Variants in CNTN4 observed in about 807,000 individuals in gnomAD.
The protein encoded by CNTN4 is contactin 4.
CNTN4 carries 77 observed loss-of-function variants against 122.5 expected under a neutral mutation model. The observed-to-expected ratio is 0.63, with a 90% CI of 0.52 to 0.76. The LOEUF is 0.76. CNTN4 is among the 30% of genes least tolerant of loss of function. The pLI is 0.00. For missense variants in CNTN4, 1,256 were observed against 1,259.1 expected, an observed-to-expected ratio of 1.00 and a Z score of 0.04; for synonymous variants, 512 against 447.0, an observed-to-expected ratio of 1.15 and a Z score of -1.83.
chr3:2,348,236 T>C (rs1429870223), intron 3 of CNTN4, among the ~76,000 whole-genome samples: 2 of 148,528 alleles, frequency 1.3e-5, no homozygotes, highest in African/African-American at 4.8e-5. Context: ...GATCATATAC[T>C]TAACGCTTGG....
intron 3 of CNTN4, among the ~76,000 whole-genome samples, chr3:2,350,692 G>A (rs184666437): frequency 1.3e-5 from 2 of 152,226 alleles, no homozygotes; most frequent in East Asian, 1.9e-4. Context: ...ATGAAGTAGC[G>A]AGAAATGAAT....
In CNTN4 at chr3:2,448,445, A is replaced by T. The variant is rs138159102; in HGVS notation, c.-89+109212A>T. On this transcript the variant is annotated intron_variant, in intron 3 of 24. Transcript: ENST00000418658. ...GAGTGATAGGGAGTTGTGTGCAGTG[A>T]TTGGGCTTCTCAAATGCAAGTGGTG... Among the ~76,000 whole-genome samples, 925 of 152,312 alleles carry T rather than the reference A, an allele frequency of 6.1e-3. 8 individuals are homozygous for T. The highest frequency in any genetic ancestry group is 0.021 in the African/African-American group (871 of 41,566).
chr3:2,942,559 AG>A (rs1485216932), intron 13 of CNTN4, among the ~76,000 whole-genome samples: 3 of 152,192 alleles, frequency 2.0e-5, no homozygotes, highest in Admixed American at 2.0e-4. Context: ...GTGGTGATGG[AG>A]GACACCTTAG....
chr3:2,772,105 A>G (rs1237441023), intron 6 of CNTN4, among the ~76,000 whole-genome samples: 1 of 152,120 alleles, frequency 6.6e-6, no homozygotes, highest in Non-Finnish European at 1.5e-5. Context: ...TGACATGGTA[A>G]TGAGCTTTAG....
chr3:2,244,882 T>C (rs1196934175), intron 2 of CNTN4, among the ~76,000 whole-genome samples: 1 of 152,036 alleles, frequency 6.6e-6, no homozygotes, highest in Non-Finnish European at 1.5e-5. Context: ...AAAATACTTT[T>C]AGAGCTAGTA....
At chr3:2,507,408 G>C (rs1264480322) in intron 3 of CNTN4, among the ~76,000 whole-genome samples, 1 of 151,896 alleles carries the variant, frequency 6.6e-6, no homozygotes, top group Non-Finnish European at 1.5e-5. Flanking sequence ...TTCTCTTCTT[G>C]GATGTTAAGA....
At chr3:2,285,422 A>T (rs915844640) in intron 2 of CNTN4, among the ~76,000 whole-genome samples, 3 of 152,116 alleles carry the variant, frequency 2.0e-5, no homozygotes, top group African/African-American at 7.2e-5. Context: ...AATTATTGTG[A>T]AAAGGAAACA....
intron 3 of CNTN4, among the ~76,000 whole-genome samples, chr3:2,389,584 C>A (rs1405569695): frequency 6.6e-6 from 1 of 151,928 alleles, no homozygotes; most frequent in Admixed American, 6.6e-5. Flanking sequence ...TTCCTTTTTT[C>A]TTCCTTTTCT....
At chr3:2,886,415 TAAA>T (rs201855836) in intron 9 of CNTN4, among the ~76,000 whole-genome samples, 1 of 130,668 alleles carries the variant, frequency 7.7e-6, no homozygotes, top group African/African-American at 2.8e-5. Flanking sequence ...AAAAATATAT[TAAA>T]AAAAAAAGAA....
intron 4 of CNTN4, among the ~76,000 whole-genome samples, chr3:2,649,238 TTA>T (rs2083261227): frequency 6.6e-6 from 1 of 152,164 alleles, no homozygotes; most frequent in Non-Finnish European, 1.5e-5. Flanking sequence ...AAAACAGATT[TTA>T]AATGTAGATA....
At chr3:2,326,138 C>A (rs906464935) in intron 2 of CNTN4, among the ~76,000 whole-genome samples, 2 of 152,078 alleles carry the variant, frequency 1.3e-5, no homozygotes, top group Non-Finnish European at 2.9e-5. Context: ...GTTGCTTTCC[C>A]AAATGTGGGT....
rs576752613 is a variant in CNTN4 at position 2,853,524 on chromosome 3, T to C, written c.455-13228T>C. On this transcript the variant is annotated intron_variant, in intron 7 of 24. Coordinates refer to ENST00000418658, the MANE Select transcript of CNTN4 (RefSeq NM_175607.3). ...TCCCAAAGTGCTAGGATTGCAGCCA[T>C]GAGCTACTGTGTCTGGCCTAATTTA... Among the ~76,000 whole-genome samples, 70 of 152,308 alleles carry C rather than the reference T, an allele frequency of 4.6e-4. 1 individual carries two copies. The highest frequency in any genetic ancestry group is 4.6e-4 in the Admixed American group (7 of 15,308).
At chr3:2,289,026 T>A (rs906009768) in intron 2 of CNTN4, among the ~76,000 whole-genome samples, 2 of 152,150 alleles carry the variant, frequency 1.3e-5, no homozygotes, top group African/African-American at 4.8e-5. Flanking sequence ...TCCAATCCCA[T>A]ACCCAGTGAA....
intron 14 of CNTN4, among the ~76,000 whole-genome samples, chr3:2,990,113 T>C (rs1404488540): frequency 2.0e-5 from 3 of 152,190 alleles, no homozygotes; most frequent in Non-Finnish European, 4.4e-5. Context: ...AAATCCATGT[T>C]AAGTGATTAG....
At chr3:2,825,434 G>A (rs929115253) in intron 7 of CNTN4, among the ~76,000 whole-genome samples, 1 of 151,966 alleles carries the variant, frequency 6.6e-6, no homozygotes, top group Admixed American at 6.6e-5. Context: ...ATGTTGACCA[G>A]GCTGGTCTCA....
At chr3:2,250,454 A>T (rs1358691969) in intron 2 of CNTN4, among the ~76,000 whole-genome samples, 2 of 151,894 alleles carry the variant, frequency 1.3e-5, no homozygotes, top group African/African-American at 2.4e-5. Flanking sequence ...TTAATCTATA[A>T]AATGAAGTTA....
chr3:2,674,281 T>A (rs528095851), intron 4 of CNTN4, among the ~76,000 whole-genome samples: 1 of 149,914 alleles, frequency 6.7e-6, no homozygotes, highest in Non-Finnish European at 1.5e-5. Flanking sequence ...TTTTTTATAT[T>A]TTTTAATTGA....
At chr3:2,315,736 T>A (rs1033431077) in intron 2 of CNTN4, among the ~76,000 whole-genome samples, 6 of 152,066 alleles carry the variant, frequency 3.9e-5, no homozygotes, top group African/African-American at 1.2e-4. Flanking sequence ...GTTTTACCAG[T>A]AATGAACATT....
At chr3:2,462,313 A>G (rs1465207943) in intron 3 of CNTN4, among the ~76,000 whole-genome samples, 1 of 152,180 alleles carries the variant, frequency 6.6e-6, no homozygotes, top group African/African-American at 2.4e-5. Context: ...ATAAGGATAA[A>G]GACTAGCATT....
Sources: gnomAD v4.1 joint callset for allele counts (sites outside exome capture counted in the v4.1 genomes callset) on GRCh38, gnomAD v4.1.1 for gene constraint, MANE v1.5 for transcripts, NCBI Gene and HGNC (gene_info 2026-07-23, HGNC 2026-07-21) for gene names.